ARHGDIB: variants seen among roughly 807,000 people sequenced by gnomAD.
ARHGDIB encodes the protein rho GDP-dissociation inhibitor 2.
ARHGDIB carries 20 observed loss-of-function variants against 22.6 expected under a neutral mutation model. The ratio of observed to expected loss-of-function variants is 0.88; its 90% CI spans 0.62 to 1.28. ARHGDIB has a LOEUF of 1.28. Among genes scored for constraint, ARHGDIB ranks in the 50% most tolerant of loss-of-function variants. ARHGDIB has a pLI of 0.00. For missense variants in ARHGDIB, 254 were observed against 245.4 expected (o/e 1.04, Z -0.23); for synonymous variants, 114 against 96.1 (o/e 1.19, Z -1.09).
At chr12:14,957,272 A>G (rs1440323094) in intron 1 of ARHGDIB, among the ~76,000 whole-genome samples, 2 of 152,228 alleles carry the variant, frequency 1.3e-5, no homozygotes, top group African/African-American at 4.8e-5. Flanking sequence ...ATGAAAAATT[A>G]TAGGACTATA....
chr12:14,949,788 A>T lies in ARHGDIB; in HGVS notation c.265+14T>A. The T allele has an allele frequency of 6.2e-7, 1 of 1,612,358 alleles. No individual in the cohort carries two copies. Among genetic ancestry groups the T allele is most frequent in the South Asian group, 1.1e-5 (1 of 91,048 alleles). On this transcript the variant is annotated intron_variant, in intron 3 of 5. Coordinates refer to ENST00000228945, the MANE Select transcript of ARHGDIB (RefSeq NM_001175.7). ...CTTAGGCCCCCTTTGAACAGTACAG[A>T]TGTGTCTACATACCAGTAAGGTCCA...
At chr12:14,948,506 T>C (rs1045411957) in intron 3 of ARHGDIB, among the ~76,000 whole-genome samples, 6 of 152,242 alleles carry the variant, frequency 3.9e-5, no homozygotes, top group African/African-American at 7.2e-5. Flanking sequence ...TGTATTTTCA[T>C]TTGCAATTTC....
intron 1 of ARHGDIB, among the ~76,000 whole-genome samples, chr12:14,952,004 G>T (rs982641306): frequency 2.6e-5 from 4 of 152,130 alleles, no homozygotes; most frequent in Non-Finnish European, 5.9e-5. Context: ...TGGGCAAGGA[G>T]ATTGTTTTCT....
intron 4 of ARHGDIB, 99 bp from the exon 5 acceptor site, chr12:14,944,938 TGAAAAAACTAAA>T (rs775997224): frequency 7.3e-5 from 70 of 962,952 alleles, no homozygotes; most frequent in African/African-American, 5.3e-4. Flanking sequence ...TCTCTGACAA[TGAAAAAACTAAA>T]GATTTAGTTC....
Position 14,942,720 on chromosome 12 carries a change from C to CTT in ARHGDIB, c.407_408insAA (p.Asp137ArgfsTer108). On this transcript the variant is annotated frameshift_variant and splice_region_variant, in exon 6 of 6. Coordinates refer to ENST00000228945, the MANE Select transcript of ARHGDIB (RefSeq NM_001175.7). LOFTEE classifies it high-confidence loss of function. Reference sequence around the variant, plus strand: ...TGCCAACCATAAATGTTGCTTTATCCACTAAGAAGAAAGAAGAGTTCATTA... The same window carrying CTT: ...TGCCAACCATAAATGTTGCTTTATCCTTACTAAGAAGAAAGAAGAGTTCATTA... The CTT allele has an allele frequency of 6.2e-7, 1 of 1,613,668 alleles. No individual in the cohort carries two copies. The highest frequency in any genetic ancestry group is 8.5e-7 in the Non-Finnish European group (1 of 1,179,936).
At chr12:14,961,241 G>C (rs1452178829) in intron 1 of ARHGDIB, 1 of 152,126 alleles carries the variant, frequency 6.6e-6, no homozygotes, top group Non-Finnish European at 1.5e-5. Context: ...AGGCACTCCC[G>C]GTGCGTGTTC....
At position 14,942,474 on chromosome 12, in the gene ARHGDIB, T is replaced by A; in HGVS notation, c.*48A>T. ...GGAGGGACAGGGTGCTGAACACGCC[T>A]GAGAGAATTCTTCCAGGTGGCAAGG... On this transcript the variant is annotated 3_prime_UTR_variant, in exon 6 of 6. Coordinates refer to ENST00000228945, the MANE Select transcript of ARHGDIB (RefSeq NM_001175.7). 6.2e-7 allele frequency: 1 copy of A among 1,607,284 alleles called. No homozygotes were observed. The highest frequency in any genetic ancestry group is 2.2e-5 in the East Asian group (1 of 44,834).
chr12:14,946,253 T>C (rs1056298886), intron 4 of ARHGDIB, among the ~76,000 whole-genome samples: 3 of 152,128 alleles, frequency 2.0e-5, no homozygotes, highest in African/African-American at 7.2e-5. Context: ...CACATTTCCT[T>C]GGGAGGCAGA....
In ARHGDIB at chr12:14,942,381, G is replaced by C; in HGVS notation, c.*141C>G. On this transcript the variant is annotated 3_prime_UTR_variant, in exon 6 of 6. Coordinates refer to ENST00000228945, the MANE Select transcript of ARHGDIB (RefSeq NM_001175.7). ...GTTCTAGGGACCACGTTGAGTGACA[G>C]GGTGGGAAAAGATGCATCAATAAGG... 1.1e-6 allele frequency: 1 copy of C among 908,012 alleles called. No individual in the cohort carries two copies. The highest frequency in any genetic ancestry group is 2.1e-5 in the Admixed American group (1 of 46,544). The allele number at this position is 908,012 out of a possible 1,614,324, so 56.2% of individuals were successfully genotyped here. A position where few individuals can be genotyped will look rare whatever the true frequency, so the allele number is the denominator to read the frequency against.
intron 4 of ARHGDIB, among the ~76,000 whole-genome samples, chr12:14,946,773 T>TCTA (rs1864025352): frequency 6.6e-6 from 1 of 152,142 alleles, no homozygotes; most frequent in African/African-American, 2.4e-5. Context: ...GGAAACCTGG[T>TCTA]TTACCAAATA....
chr12:14,942,403 A>T lies in ARHGDIB; in HGVS notation c.*119T>A. 9.1e-7 allele frequency: 1 copy of T among 1,096,508 alleles called. No homozygotes were observed. The highest frequency in any genetic ancestry group is 1.4e-6 in the Non-Finnish European group (1 of 739,668). 67.9% of individuals were successfully genotyped at this position (1,096,508 alleles called of 1,614,324 possible). ...ACAGGGTGGGAAAAGATGCATCAAT[A>T]AGGAAATGTGGCAGTGTTGAAGAGG... On this transcript the variant is annotated 3_prime_UTR_variant, in exon 6 of 6. Transcript: ENST00000228945.
At chr12:14,956,285 C>CAA (rs1864299435) in intron 1 of ARHGDIB, 1 of 152,188 alleles carries the variant, frequency 6.6e-6, no homozygotes, top group Non-Finnish European at 1.5e-5. Context: ...TCGGTTCCTG[C>CAA]GTTACCTCCT....
chr12:14,945,243 C>T (rs975649705), intron 4 of ARHGDIB, among the ~76,000 whole-genome samples: 5 of 152,254 alleles, frequency 3.3e-5, no homozygotes, highest in Non-Finnish European at 2.9e-5. Context: ...CAATAGAGCA[C>T]ATTATGTAAA....
chr12:14,947,083 A>G (rs1864035030), intron 4 of ARHGDIB, among the ~76,000 whole-genome samples: 1 of 152,200 alleles, frequency 6.6e-6, no homozygotes, highest in Admixed American at 6.5e-5. Flanking sequence ...GAGAGAGCAG[A>G]TGGAGTCTTC....
intron 1 of ARHGDIB, among the ~76,000 whole-genome samples, chr12:14,953,781 A>G (rs1240526674): frequency 2.6e-5 from 4 of 151,878 alleles, no homozygotes; most frequent in African/African-American, 7.3e-5. Flanking sequence ...CAGAGAGTGG[A>G]GTGTTACAGA....
intron 1 of ARHGDIB, 69 bp downstream of exon 1, chr12:14,961,468 C>G (rs1002114222): frequency 6.6e-6 from 1 of 152,240 alleles, no homozygotes; most frequent in Non-Finnish European, 1.5e-5. Flanking sequence ...GCGGTAGCCC[C>G]GTCTAGAGGT....
At chr12:14,945,244 A>C (rs920832253) in intron 4 of ARHGDIB, among the ~76,000 whole-genome samples, 3 of 152,230 alleles carry the variant, frequency 2.0e-5, no homozygotes, top group Admixed American at 1.3e-4. Context: ...AATAGAGCAC[A>C]TTATGTAAAT....
chr12:14,945,135 C>T (rs1477551992), intron 4 of ARHGDIB, among the ~76,000 whole-genome samples: 1 of 152,162 alleles, frequency 6.6e-6, no homozygotes, highest in African/African-American at 2.4e-5. Flanking sequence ...CATTGTATTT[C>T]TCCTTTCTCA....
intron 1 of ARHGDIB, among the ~76,000 whole-genome samples, chr12:14,955,475 T>C (rs1864280726): frequency 6.6e-6 from 1 of 152,184 alleles, no homozygotes; most frequent in Non-Finnish European, 1.5e-5. Flanking sequence ...ATTTAAGATG[T>C]AAAATATGTC....
Sources: gnomAD v4.1 joint callset for allele counts (sites outside exome capture counted in the v4.1 genomes callset) on GRCh38, gnomAD v4.1.1 for gene constraint, MANE v1.5 for transcripts, NCBI Gene and HGNC (gene_info 2026-07-23, HGNC 2026-07-21) for gene names.